CACNA1D: variants seen among roughly 807,000 people sequenced by gnomAD.
The protein encoded by CACNA1D is calcium voltage-gated channel subunit alpha1 D, also known as voltage-dependent L-type calcium channel subunit alpha-1D.
In CACNA1D, 55 loss-of-function variants were observed where a neutral mutation model predicts 257.1. The observed-to-expected ratio is 0.21, with a 90% CI of 0.17 to 0.27. The LOEUF (loss-of-function observed/expected upper bound fraction) is 0.27. CACNA1D is among the 10% of genes least tolerant of loss of function. The pLI, the probability that CACNA1D is intolerant of heterozygous loss-of-function variation, is 1.00. For synonymous variants in CACNA1D, 980 were observed against 1,014.9 expected, an observed-to-expected ratio of 0.97 and a Z score of 0.65; for missense variants, 1,876 against 2,784.0, an observed-to-expected ratio of 0.67 and a Z score of 7.34.
intron 8 of CACNA1D, among the ~76,000 whole-genome samples, chr3:53,676,007 T>C (rs2108433131): frequency 6.6e-6 from 1 of 152,248 alleles, no homozygotes; most frequent in South Asian, 2.1e-4. Flanking sequence ...TTGTTCCTGA[T>C]TTGGCCAGTA....
chr3:53,495,134 T>A lies in CACNA1D; in HGVS notation c.-33T>A. 2.3e-4 allele frequency: 242 copies of A among 1,057,106 alleles called. No homozygotes were observed. The highest frequency in any genetic ancestry group is 3.0e-4 in the Non-Finnish European group (221 of 737,924). 65.5% of individuals were successfully genotyped at this position (1,057,106 alleles called of 1,614,324 possible). A position where few individuals can be genotyped will look rare whatever the true frequency, so the allele number is the denominator to read the frequency against. On this transcript the variant is annotated 5_prime_UTR_variant, in exon 1 of 48. Coordinates refer to ENST00000350061, the MANE Select transcript of CACNA1D (RefSeq NM_001128840.3). This position sits in a 1 kb window ranked among gnomAD's most constrained non-coding sequence, Gnocchi z 5.1. ...CGCCTCAACGCCCAGCACAGTGCCC[T>A]GCACACAGTAGTCGCTCAATAAATG...
intron 30 of CACNA1D, among the ~76,000 whole-genome samples, chr3:53,768,711 T>G (rs1003633666): frequency 6.6e-6 from 1 of 152,140 alleles, no homozygotes; most frequent in Non-Finnish European, 1.5e-5. Context: ...TGAATTTCAG[T>G]TTTTCTGTGA....
intron 3 of CACNA1D, among the ~76,000 whole-genome samples, chr3:53,634,636 C>T (rs566908620): frequency 1.3e-5 from 2 of 152,242 alleles, no homozygotes; most frequent in East Asian, 1.9e-4. Context: ...TACCCCTGTG[C>T]GAGAGCTCGT....
rs745312784 is a variant in CACNA1D, at chr3:53,769,979, G to A, written c.3877G>A (p.Glu1293Lys). The change falls in exon 31 of 48, where the codon GAA becomes AAA. Residue 1293 changes from glutamate to lysine, a missense_variant. Around this residue, in one of 10 missense-constraint regions of CACNA1D, gnomAD observed 204 missense variants for 309.4 expected, o/e 0.66. Coordinates refer to ENST00000350061, the MANE Select transcript of CACNA1D (RefSeq NM_001128840.3). Reference sequence around the variant, plus strand: ...AATCTTTGATTTCTTAAAGCCAACTGAAAGTGAAAATGTCCCTGTCCCAAC... The same window carrying A: ...AATCTTTGATTTCTTAAAGCCAACTAAAAGTGAAAATGTCCCTGTCCCAAC... ...DVALSEADPT[E>K]SENVPVPTAT... 2 of 1,612,544 alleles carry A rather than the reference G, an allele frequency of 1.2e-6. No individual in the cohort carries two copies. The highest frequency in any genetic ancestry group is 2.7e-5 in the African/African-American group (2 of 74,894).
Position 53,730,575 on chromosome 3 carries a change from G to A in CACNA1D, c.2336+19G>A. 1.3e-6 allele frequency: 2 copies of A among 1,564,618 alleles called. No homozygotes were observed. Among genetic ancestry groups the A allele is most frequent in the Non-Finnish European group, 1.8e-6 (2 of 1,135,712 alleles). ...TTGCCAGGTAACCCTATTTTCCCCT[G>A]ACGTGTTTGTCCAGGGGCTGTGTTG... On this transcript the variant is annotated intron_variant, in intron 16 of 47. Coordinates refer to ENST00000350061, the MANE Select transcript of CACNA1D (RefSeq NM_001128840.3).
chr3:53,697,629 C>G (rs895688170), intron 8 of CACNA1D, among the ~76,000 whole-genome samples: 1 of 152,022 alleles, frequency 6.6e-6, no homozygotes, highest in African/African-American at 2.4e-5. Context: ...GTGAATAATC[C>G]ATGTACCCCT....
In CACNA1D at chr3:53,751,309, T is replaced by G. The variant is rs548316869; in HGVS notation, c.3517-440T>G. 4.3e-4 allele frequency among the ~76,000 whole-genome samples: 65 copies of G among 152,334 alleles called. No individual in the cohort carries two copies. Among genetic ancestry groups the G allele is most frequent in the Non-Finnish European group, 8.2e-4 (56 of 68,024 alleles). On this transcript the variant is annotated intron_variant, in intron 27 of 47. Coordinates refer to ENST00000350061, the MANE Select transcript of CACNA1D (RefSeq NM_001128840.3). The surrounding 1 kb of genome is among the most constrained non-coding windows in gnomAD (Gnocchi z 4.3). ...GTTTCTGTGGTTACTTGGCCTCCTT[T>G]CCTGGAGGACAGCACAGGCAGGGGA... is the stretch of plus-strand genomic sequence containing the variant.
intron 9 of CACNA1D, among the ~76,000 whole-genome samples, chr3:53,711,446 G>A (rs1220649620): frequency 6.6e-6 from 1 of 152,194 alleles, no homozygotes. Context: ...TGAGCAGCTG[G>A]CTCCCTGCCT....
At chr3:53,558,798 T>A (rs972915265) in intron 3 of CACNA1D, among the ~76,000 whole-genome samples, 3 of 152,168 alleles carry the variant, frequency 2.0e-5, no homozygotes, top group Non-Finnish European at 4.4e-5. Flanking sequence ...TTTTTTTCAT[T>A]GTCTTTAGTT....
At chr3:53,604,627 T>C (rs1457991821) in intron 3 of CACNA1D, among the ~76,000 whole-genome samples, 1 of 152,066 alleles carries the variant, frequency 6.6e-6, no homozygotes, top group Non-Finnish European at 1.5e-5. Context: ...GGGATACATA[T>C]CCCTGCTTTA....
At chr3:53,570,148 T>C (rs2092918032) in intron 3 of CACNA1D, among the ~76,000 whole-genome samples, 1 of 152,242 alleles carries the variant, frequency 6.6e-6, no homozygotes, top group Non-Finnish European at 1.5e-5. Flanking sequence ...TGGTAAAAGT[T>C]AGATTTGATT....
chr3:53,731,960 T>C (rs1430370763), intron 17 of CACNA1D, 56 bp from the exon 18 acceptor site: 1 of 1,152,088 alleles, frequency 8.7e-7, no homozygotes, highest in African/African-American at 1.5e-5. Context: ...ACTTTTCCTC[T>C]CTGAAGTGAT....
chr3:53,671,556 C>A (rs750412179), intron 7 of CACNA1D, among the ~76,000 whole-genome samples: 37 of 152,216 alleles, frequency 2.4e-4, no homozygotes, highest in Non-Finnish European at 4.4e-4. Context: ...GTTTATCCAA[C>A]TTAATTAGAT....
At chr3:53,581,385 T>C (rs1380986103) in intron 3 of CACNA1D, among the ~76,000 whole-genome samples, 1 of 152,228 alleles carries the variant, frequency 6.6e-6, no homozygotes, top group Non-Finnish European at 1.5e-5. Context: ...ATAACCACTG[T>C]TAATCTTGTG....
At chr3:53,749,853 C>G (rs1300938459) in intron 27 of CACNA1D, among the ~76,000 whole-genome samples, 22 of 152,198 alleles carry the variant, frequency 1.4e-4, no homozygotes, top group Non-Finnish European at 2.9e-5. Flanking sequence ...CAGTTTCTTA[C>G]CCTTGGTGCT....
intron 3 of CACNA1D, among the ~76,000 whole-genome samples, chr3:53,503,452 C>T (rs1301688347): frequency 2.0e-5 from 3 of 152,186 alleles, no homozygotes; most frequent in Admixed American, 2.0e-4. Context: ...AATTTAACGA[C>T]GTGGATGGTG....
chr3:53,527,942 A>T (rs1176434673), intron 3 of CACNA1D, among the ~76,000 whole-genome samples: 1 of 152,218 alleles, frequency 6.6e-6, no homozygotes, highest in Non-Finnish European at 1.5e-5. Context: ...TCATTCTGAA[A>T]TATACCCAGC....
intron 3 of CACNA1D, among the ~76,000 whole-genome samples, chr3:53,649,568 G>A (rs996855164): frequency 1.3e-5 from 2 of 152,138 alleles, no homozygotes; most frequent in South Asian, 2.1e-4. Flanking sequence ...AGGTACCATA[G>A]TGGGGACATT....
chr3:53,495,108 C>A lies in CACNA1D; in HGVS notation c.-59C>A. The A allele has an allele frequency of 7.1e-7, 1 of 1,403,944 alleles. No homozygotes were observed. Among genetic ancestry groups the A allele is most frequent in the Non-Finnish European group, 1.0e-6 (1 of 998,740 alleles). The allele number at this position is 1,403,944 out of a possible 1,614,324, so 87.0% of individuals were successfully genotyped here. A position where few individuals can be genotyped will look rare whatever the true frequency, so the allele number is the denominator to read the frequency against. ...GGTGATCCCCTTCCCCATTCCGCCC[C>A]CGCCTCAACGCCCAGCACAGTGCCC... On this transcript the variant is annotated 5_prime_UTR_variant, in exon 1 of 48. Transcript: ENST00000350061. The surrounding 1 kb of genome is among the most constrained non-coding windows in gnomAD (Gnocchi z 5.1).
Sources: gnomAD v4.1 joint callset for allele counts (sites outside exome capture counted in the v4.1 genomes callset) on GRCh38, gnomAD v4.1.1 for gene constraint, gnomAD v4.1.1 regional missense constraint, Gnocchi (gnomAD v3.1) non-coding constraint, MANE v1.5 for transcripts, NCBI Gene and HGNC (gene_info 2026-07-23, HGNC 2026-07-21) for gene names.